Variants in SCAF4 observed in about 807,000 individuals in gnomAD.
SCAF4 encodes SR-related and CTD-associated factor 4.
SCAF4 carries 25 observed loss-of-function variants against 129.8 expected under a neutral mutation model. The observed-to-expected ratio is 0.19, with a 90% CI of 0.14 to 0.27. The LOEUF is 0.27. SCAF4 is among the 10% of genes least tolerant of loss of function. The pLI is 1.00. For missense variants in SCAF4, 1,246 were observed against 1,457.1 expected, an observed-to-expected ratio of 0.86 and a Z score of 2.36; for synonymous variants, 551 against 497.7, an observed-to-expected ratio of 1.11 and a Z score of -1.43.
At chr21:31,687,662 A>G (rs1431929550) in intron 16 of SCAF4, among the ~76,000 whole-genome samples, 1 of 152,152 alleles carries the variant, frequency 6.6e-6, no homozygotes, top group African/African-American at 2.4e-5. Context: ...CCCTCAAAGC[A>G]GCAGCTTATT....
intron 7 of SCAF4, chr21:31,700,756 TTCA>T: frequency 1.5e-5 from 6 of 410,064 alleles, no homozygotes; most frequent in Non-Finnish European, 2.6e-5. Context: ...TTTTTTTTTT[TTCA>T]CTTTTTTAAT....
chr21:31,699,335 TGAG>T (rs894103618), intron 7 of SCAF4, among the ~76,000 whole-genome samples: 19 of 152,172 alleles, frequency 1.2e-4, no homozygotes, highest in African/African-American at 2.4e-4. Flanking sequence ...CTAATACAAA[TGAG>T]GAGTTTTCCT....
rs777201029 is a variant in SCAF4, at chr21:31,671,803, C to T, written c.3040G>A (p.Glu1014Lys). The stretch of plus-strand genomic sequence containing the variant: ...TCATCATTACGGTTCCCATACCGTT[C>T]CCGGTCATTTTCCACCCTATTTCCA... ...SFGNRVENDR[E>K]RYGNRNDDRD... The change falls in exon 20 of 20, where the codon GAA becomes AAA. Residue 1014 changes from glutamate to lysine, a missense_variant. By Grantham distance (56) the Glu-to-Lys change is moderately conservative (BLOSUM62 1). This residue lies in a region of SCAF4 where 339 missense variants were observed against 325.0 expected (regional missense o/e 1.04). Coordinates refer to ENST00000286835, the MANE Select transcript of SCAF4 (RefSeq NM_020706.2). 1.2e-6 allele frequency: 2 copies of T among 1,613,960 alleles called. No individual in the cohort carries two copies.
intron 1 of SCAF4, among the ~76,000 whole-genome samples, chr21:31,708,591 T>C (rs2050724739): frequency 6.6e-6 from 1 of 152,294 alleles, no homozygotes; most frequent in African/African-American, 2.4e-5. Flanking sequence ...TTGTTCTATT[T>C]TCTATACCTT....
chr21:31,671,572 T>G lies in SCAF4; in HGVS notation c.3271A>C (p.Lys1091Gln), dbSNP rs1283011334. 1.2e-6 allele frequency: 2 copies of G among 1,614,102 alleles called. No homozygotes were observed. Among genetic ancestry groups the G allele is most frequent in the African/African-American group, 1.3e-5 (1 of 74,948 alleles). ...PEVTDRAGGN[K>Q]TVEPPISQVG... Reference sequence around the variant, plus strand: ...TGGCTAATGGGAGGTTCAACGGTTTTGTTACCACCTGCCCTGTCTGTCACC... The same window carrying G: ...TGGCTAATGGGAGGTTCAACGGTTTGGTTACCACCTGCCCTGTCTGTCACC... Residue 1091 changes from lysine to glutamine, a missense_variant, in exon 20 of 20, where the codon AAA becomes CAA. Physicochemically the swap from Lys to Gln is moderately conservative, Grantham distance 53. Transcript: ENST00000286835.
Position 31,671,126 on chromosome 21 carries a change from TAG to T in SCAF4, c.*271_*272del. On this transcript the variant is annotated 3_prime_UTR_variant, in exon 20 of 20. Coordinates refer to ENST00000286835, the MANE Select transcript of SCAF4 (RefSeq NM_020706.2). ...CTTAAATTAAAAAAAAAAAAAAAAA[TAG>T]AGAGCACTTCTAATTACGATTTGTA... The T allele has an allele frequency of 3.6e-6, 1 of 277,994 alleles. No homozygotes were observed. Among genetic ancestry groups the T allele is most frequent in the Non-Finnish European group, 6.6e-6 (1 of 152,502 alleles). 17.2% of individuals were successfully genotyped at this position (277,994 alleles called of 1,614,324 possible).
At chr21:31,689,994 T>TG (rs1228121518) in intron 15 of SCAF4, among the ~76,000 whole-genome samples, 1 of 152,080 alleles carries the variant, frequency 6.6e-6, no homozygotes, top group African/African-American at 2.4e-5. Context: ...ATGCTCCTCC[T>TG]GTTCCTCTGT....
In SCAF4 at chr21:31,686,071, C is replaced by T. The variant is rs538025374; in HGVS notation, c.2044-338G>A. Among the ~76,000 whole-genome samples the T allele has an allele frequency of 2.6e-5, 4 of 151,962 alleles. No homozygotes were observed. The East Asian group carries it at 7.8e-4, about 30-fold the overall frequency. On this transcript the variant is annotated intron_variant, in intron 16 of 19. Transcript: ENST00000286835. The stretch of plus-strand genomic sequence containing the variant: ...TACAAAAATTAGCTGGGTGTGGTGG[C>T]AAGCACCTGTAATCCCAGCTACTCC...
Position 31,690,681 on chromosome 21 carries a change from G to A in SCAF4, c.1885+116C>T, listed in dbSNP as rs1281007304. 3 of 824,310 alleles carry A rather than the reference G, an allele frequency of 3.6e-6. No homozygotes were observed. The East Asian group carries it at 7.5e-5, about 21-fold the overall frequency. The allele number at this position is 824,310 out of a possible 1,614,324, so 51.1% of individuals were successfully genotyped here. A position where few individuals can be genotyped will look rare whatever the true frequency, so the allele number is the denominator to read the frequency against. ...TTATAATGGAGATACTGACACAGGAGGGATCCTAAAAAATCTCAAAAATCA... is the reference window on the plus strand; with the variant it reads ...TTATAATGGAGATACTGACACAGGAAGGATCCTAAAAAATCTCAAAAATCA... On this transcript the variant is annotated intron_variant, in intron 15 of 19. Transcript: ENST00000286835.
At chr21:31,706,965 G>A (rs1336212734) in intron 1 of SCAF4, 2 of 305,086 alleles carry the variant, frequency 6.6e-6, no homozygotes, top group Non-Finnish European at 6.2e-6. Context: ...GATTTTAGTA[G>A]GTCTAGAAAC....
At chr21:31,674,139 G>T (rs2049788333) in intron 19 of SCAF4, among the ~76,000 whole-genome samples, 1 of 152,144 alleles carries the variant, frequency 6.6e-6, no homozygotes, top group Non-Finnish European at 1.5e-5. Flanking sequence ...GTGGCCAAAG[G>T]ATGCAAAGCC....
chr21:31,727,541 T>C (rs2051236347), intron 1 of SCAF4, among the ~76,000 whole-genome samples: 1 of 152,080 alleles, frequency 6.6e-6, no homozygotes, highest in Admixed American at 6.5e-5. Context: ...ACACGTGTAA[T>C]CCCAGCACTT....
At position 31,696,131 on chromosome 21, in the gene SCAF4, C is replaced by T. The variant is rs370707506; in HGVS notation, c.1050G>A (p.Gln350=). 3.5e-5 allele frequency: 57 copies of T among 1,611,824 alleles called. No individual in the cohort carries two copies. In the South Asian group the frequency reaches 6.3e-4, roughly 18 times the overall value. ...CTTGTACCTGATGGTGCATTGGATC[C>T]TGTTGTATTCCCATCATTCGTGGCT... is the stretch of plus-strand genomic sequence containing the variant. The part of the protein sequence containing the change: ...QFQPRMMGIQ[Q]DPMHHQVPLP... The change falls in exon 9 of 20, where the codon CAG becomes CAA. Residue 350 remains glutamine (Q), a synonymous_variant. Coordinates refer to ENST00000286835, the MANE Select transcript of SCAF4 (RefSeq NM_020706.2).
intron 7 of SCAF4, among the ~76,000 whole-genome samples, chr21:31,699,884 G>A (rs995447935): frequency 6.6e-6 from 1 of 152,172 alleles, no homozygotes; most frequent in African/African-American, 2.4e-5. Context: ...CATATCCTTA[G>A]TGGCAGCTTC....
At chr21:31,673,152 T>C (rs1184212089) in intron 19 of SCAF4, among the ~76,000 whole-genome samples, 3 of 152,202 alleles carry the variant, frequency 2.0e-5, no homozygotes, top group Admixed American at 6.5e-5. Context: ...TTTATTTTCC[T>C]ATCTACATGA....
chr21:31,721,803 C>T (rs894603965), intron 1 of SCAF4, among the ~76,000 whole-genome samples: 13 of 149,100 alleles, frequency 8.7e-5, no homozygotes, highest in African/African-American at 3.0e-4. Flanking sequence ...CTCGGCTCCT[C>T]GCAACCTCCA....
chr21:31,717,484 G>A (rs991760352), intron 1 of SCAF4, among the ~76,000 whole-genome samples: 18 of 152,100 alleles, frequency 1.2e-4, no homozygotes, highest in Admixed American at 1.2e-3. Context: ...TAAATTCATG[G>A]ATTTAAAAAT....
Position 31,731,824 on chromosome 21 carries a change from G to T in SCAF4, c.-132C>A. On this transcript the variant is annotated 5_prime_UTR_variant, in exon 1 of 20. Transcript: ENST00000286835. ...GACGAGCGGCGGAGTCCGAGGCCCG[G>T]GCAGGAAGAGGCTGCGCCCGAAGCG... 3 of 1,029,412 alleles carry T rather than the reference G, an allele frequency of 2.9e-6. No individual in the cohort carries two copies. The highest frequency in any genetic ancestry group is 3.9e-6 in the Non-Finnish European group (3 of 760,780). The allele number at this position is 1,029,412 out of a possible 1,614,324, so 63.8% of individuals were successfully genotyped here. A position where few individuals can be genotyped will look rare whatever the true frequency, so the allele number is the denominator to read the frequency against.
rs112196520 is a variant in SCAF4, at chr21:31,731,802, G to A, written c.-110C>T. On this transcript the variant is annotated 5_prime_UTR_variant, in exon 1 of 20. Coordinates refer to ENST00000286835, the MANE Select transcript of SCAF4 (RefSeq NM_020706.2). ...GGCCTGGTGGCCGGGGGGAGGCGAC[G>A]AGCGGCGGAGTCCGAGGCCCGGGCA... is the stretch of plus-strand genomic sequence containing the variant. The A allele has an allele frequency of 1.7e-5, 22 of 1,267,140 alleles. No individual in the cohort carries two copies. The highest frequency in any genetic ancestry group is 4.7e-5 in the African/African-American group (3 of 64,198). 78.5% of individuals were successfully genotyped at this position (1,267,140 alleles called of 1,614,324 possible). A position where few individuals can be genotyped will look rare whatever the true frequency, so the allele number is the denominator to read the frequency against.
Sources: allele counts gnomAD v4.1 joint callset (sites outside exome capture counted in the v4.1 genomes callset), GRCh38; gene constraint gnomAD v4.1.1; regional missense constraint gnomAD v4.1.1; transcripts MANE v1.5; gene names NCBI Gene and HGNC (gene_info 2026-07-23, HGNC 2026-07-21).